The following NCAM2 variants were observed in gnomAD, a reference collection of about 807,000 sequenced individuals.
The protein encoded by NCAM2 is neural cell adhesion molecule 2.
In NCAM2, 30 loss-of-function variants were observed where a neutral mutation model predicts 98.1. The ratio of observed to expected loss-of-function variants is 0.31; its 90% confidence interval spans 0.23 to 0.41. The LOEUF is 0.41. NCAM2 is among the 10% of genes least tolerant of loss of function. The pLI is 1.00. For synonymous variants in NCAM2, 368 were observed against 342.4 expected (o/e 1.07, Z -0.83); for missense variants, 867 against 1,005.8 (o/e 0.86, Z 1.87).
intron 1 of NCAM2, among the ~76,000 whole-genome samples, chr21:21,150,697 T>G (rs912251873): frequency 3.3e-5 from 5 of 152,162 alleles, no homozygotes; most frequent in Non-Finnish European, 5.9e-5. Context: ...TGGTATATAT[T>G]GTTAGATCCA....
intron 1 of NCAM2, among the ~76,000 whole-genome samples, chr21:21,095,452 A>G (rs2066101401): frequency 6.6e-6 from 1 of 150,940 alleles, no homozygotes; most frequent in Non-Finnish European, 1.5e-5. Flanking sequence ...CTAGCTACCT[A>G]TCTTTCTATC....
chr21:21,308,107 T>C (rs1468624128), intron 5 of NCAM2, among the ~76,000 whole-genome samples: 1 of 151,878 alleles, frequency 6.6e-6, no homozygotes, highest in East Asian at 1.9e-4. Flanking sequence ...TATGTATAGA[T>C]TCAAACTTCC....
In NCAM2 at chr21:21,488,727, T is replaced by C. The variant is rs890067290; in HGVS notation, c.2077+11256T>C. Among the ~76,000 whole-genome samples the C allele has an allele frequency of 2.0e-5, 3 of 151,848 alleles. No homozygotes were observed. The East Asian group carries it at 5.8e-4, about 29-fold the overall frequency. On this transcript the variant is annotated intron_variant, in intron 15 of 17. Coordinates refer to ENST00000400546, the MANE Select transcript of NCAM2 (RefSeq NM_004540.5). ...TAAAGGTTTAAATTTGATATTAATA[T>C]GATATAAGCAACATTAAGAGCTTGA...
chr21:21,306,122 A>C (rs2073872521), intron 5 of NCAM2, among the ~76,000 whole-genome samples: 1 of 152,166 alleles, frequency 6.6e-6, no homozygotes, highest in Non-Finnish European at 1.5e-5. Context: ...GATTTAGATC[A>C]AGTATATTCC....
intron 1 of NCAM2, among the ~76,000 whole-genome samples, chr21:21,096,381 CTG>C (rs10564839): frequency 0.22 from 33,538 of 151,530 alleles, 4,364 homozygotes; most frequent in African/African-American, 0.35. Flanking sequence ...CAAATTAAAA[CTG>C]TGTAAACAAA....
At chr21:21,228,770 G>A (rs944978208) in intron 1 of NCAM2, among the ~76,000 whole-genome samples, 1 of 151,276 alleles carries the variant, frequency 6.6e-6, no homozygotes, top group Non-Finnish European at 1.5e-5. Flanking sequence ...AAAGGAGAAG[G>A]GATGGCAGTT....
intron 15 of NCAM2, among the ~76,000 whole-genome samples, chr21:21,492,855 T>TA (rs1000875335): frequency 6.6e-6 from 1 of 151,574 alleles, no homozygotes; most frequent in Non-Finnish European, 1.5e-5. Flanking sequence ...TGTGGTTAAA[T>TA]AAAAAATAAA....
At chr21:21,509,744 G>A (rs1988241846) in intron 16 of NCAM2, among the ~76,000 whole-genome samples, 1 of 151,994 alleles carries the variant, frequency 6.6e-6, no homozygotes, top group Admixed American at 6.6e-5. Flanking sequence ...TTTCCATTTT[G>A]TTTTATTGTG....
chr21:21,383,515 G>GA (rs1457288684), intron 9 of NCAM2, among the ~76,000 whole-genome samples: 2 of 151,710 alleles, frequency 1.3e-5, no homozygotes, highest in Non-Finnish European at 2.9e-5. Context: ...GAAAAACAAA[G>GA]AAAAAAAATG....
intron 1 of NCAM2, among the ~76,000 whole-genome samples, chr21:21,002,265 G>A (rs2064032910): frequency 6.6e-6 from 1 of 152,094 alleles, no homozygotes; most frequent in Non-Finnish European, 1.5e-5. Context: ...AAGGGAAGTT[G>A]GTGGGTCCCG....
chr21:21,057,061 C>A (rs1033220648), intron 1 of NCAM2, among the ~76,000 whole-genome samples: 8 of 151,982 alleles, frequency 5.3e-5, no homozygotes, highest in Non-Finnish European at 8.8e-5. Flanking sequence ...ACTTTCCCCC[C>A]AAAATATAAA....
intron 1 of NCAM2, among the ~76,000 whole-genome samples, chr21:21,172,746 T>C (rs961512314): frequency 6.6e-6 from 1 of 152,134 alleles, no homozygotes; most frequent in Admixed American, 6.5e-5. Flanking sequence ...ATTTAAAATA[T>C]CTAACTGAAA....
At chr21:21,237,709 C>A (rs566077137) in intron 1 of NCAM2, among the ~76,000 whole-genome samples, 1 of 151,826 alleles carries the variant, frequency 6.6e-6, no homozygotes, top group Non-Finnish European at 1.5e-5. Context: ...AAGGTAAATT[C>A]ATTTTCCCAT....
chr21:21,305,619 A>T (rs920679656), intron 5 of NCAM2, among the ~76,000 whole-genome samples: 1 of 151,678 alleles, frequency 6.6e-6, no homozygotes, highest in East Asian at 1.9e-4. Flanking sequence ...TCAATAATGA[A>T]TTTTTCTCTG....
intron 9 of NCAM2, among the ~76,000 whole-genome samples, chr21:21,381,123 A>G (rs1260497669): frequency 6.6e-6 from 1 of 152,220 alleles, no homozygotes; most frequent in Non-Finnish European, 1.5e-5. Context: ...TGGAGTGTTT[A>G]ACAAGCAGTC....
chr21:21,402,146 C>T (rs2076644316), intron 9 of NCAM2, among the ~76,000 whole-genome samples: 2 of 152,112 alleles, frequency 1.3e-5, no homozygotes, highest in African/African-American at 4.8e-5. Flanking sequence ...CAAGGGAAGA[C>T]AACAGTAAGG....
chr21:21,366,991 G>A (rs894071188), intron 8 of NCAM2, among the ~76,000 whole-genome samples: 1 of 152,010 alleles, frequency 6.6e-6, no homozygotes, highest in Non-Finnish European at 1.5e-5. Flanking sequence ...TGTATGACTT[G>A]AGAGCAGTGT....
At chr21:21,246,393 AATAG>A (rs1478908987) in intron 1 of NCAM2, among the ~76,000 whole-genome samples, 1 of 152,192 alleles carries the variant, frequency 6.6e-6, no homozygotes, top group Admixed American at 6.6e-5. Flanking sequence ...TGATAGCAGA[AATAG>A]ATAATATAGT....
At chr21:21,535,437 T>C (rs1989932219) in intron 17 of NCAM2, among the ~76,000 whole-genome samples, 1 of 152,124 alleles carries the variant, frequency 6.6e-6, no homozygotes, top group African/African-American at 2.4e-5. Context: ...TTGTAACACC[T>C]AATATTTTCT....
Sources: gnomAD v4.1 joint callset for allele counts (sites outside exome capture counted in the v4.1 genomes callset) on GRCh38, gnomAD v4.1.1 for gene constraint, MANE v1.5 for transcripts, NCBI Gene and HGNC (gene_info 2026-07-23, HGNC 2026-07-21) for gene names.